NHLRC2: variants seen among roughly 807,000 people sequenced by gnomAD.
NHLRC2 encodes the protein NHL repeat containing 2.
A neutral mutation model predicts 68.1 loss-of-function variants in NHLRC2; 33 were observed. The ratio of observed to expected loss-of-function variants is 0.48; its 90% CI spans 0.37 to 0.65. The LOEUF (loss-of-function observed/expected upper bound fraction) is 0.65, where lower values mean the gene tolerates loss of function less well. NHLRC2 is among the 30% of genes least tolerant of loss of function. The probability of loss-of-function intolerance (pLI) is 0.00; values close to 1 mark genes in which losing one functional copy is unlikely to be tolerated. For synonymous variants in NHLRC2, 311 were observed against 309.6 expected, an observed-to-expected ratio of 1.00 and a Z score of -0.05; for missense variants, 761 against 853.8, an observed-to-expected ratio of 0.89 and a Z score of 1.35.
In NHLRC2 at chr10:113,901,804, G is replaced by A; in HGVS notation, c.1278G>A (p.Leu426=). 1 of 1,614,158 alleles carries A rather than the reference G, an allele frequency of 6.2e-7. No individual in the cohort carries two copies. The highest frequency in any genetic ancestry group is 8.5e-7 in the Non-Finnish European group (1 of 1,179,994). The change falls in exon 7 of 11, where the codon TTG becomes TTA. Residue 426 remains leucine (L), a synonymous_variant. Coordinates refer to ENST00000369301, the MANE Select transcript of NHLRC2 (RefSeq NM_198514.4). ...CCTCTGAAGATCCCTGGAGCTGCTT[G>A]TTTGTAGCAGATAGTGAGAGCAGTA... is the stretch of plus-strand genomic sequence containing the variant. The part of the protein sequence containing the change: ...SLASEDPWSC[L]FVADSESSTV...
At chr10:113,868,034 G>A (rs1845885795) in intron 2 of NHLRC2, among the ~76,000 whole-genome samples, 1 of 152,026 alleles carries the variant, frequency 6.6e-6, no homozygotes, top group African/African-American at 2.4e-5. Context: ...TGTTGCCTGG[G>A]CTGGATTTCA....
In NHLRC2 at chr10:113,876,690, A is replaced by AC; in HGVS notation, c.502dup (p.Leu168ProfsTer19). The stretch of plus-strand genomic sequence containing the variant: ...TTTCCTGCTGGCCAACTCTAGTCAT[A>AC]CTTGGACCTCGTGGAAACATGTTGT... On this transcript the variant is annotated frameshift_variant, in exon 3 of 11. Coordinates refer to ENST00000369301, the MANE Select transcript of NHLRC2 (RefSeq NM_198514.4). LOFTEE classifies it high-confidence loss of function. The AC allele has an allele frequency of 6.2e-7, 1 of 1,614,020 alleles. No individual in the cohort carries two copies. The highest frequency in any genetic ancestry group is 1.1e-5 in the South Asian group (1 of 91,084).
At chr10:113,870,719 A>T (rs969978717) in intron 2 of NHLRC2, among the ~76,000 whole-genome samples, 2 of 152,218 alleles carry the variant, frequency 1.3e-5, no homozygotes, top group African/African-American at 4.8e-5. Flanking sequence ...CTAGTTCTTC[A>T]TCAGGAAAGT....
intron 2 of NHLRC2, among the ~76,000 whole-genome samples, chr10:113,871,912 G>T (rs1372270173): frequency 6.6e-6 from 1 of 152,252 alleles, no homozygotes; most frequent in East Asian, 1.9e-4. Context: ...TCCCATAAAG[G>T]TTCTATTGCT....
chr10:113,872,623 A>C (rs1487528072), intron 2 of NHLRC2, among the ~76,000 whole-genome samples: 2 of 152,096 alleles, frequency 1.3e-5, no homozygotes, highest in Admixed American at 1.3e-4. Flanking sequence ...GTGTTAATTG[A>C]ATCCAGAAAA....
intron 10 of NHLRC2, among the ~76,000 whole-genome samples, chr10:113,905,851 C>T (rs926817486): frequency 1.3e-5 from 2 of 152,130 alleles, no homozygotes; most frequent in African/African-American, 2.4e-5. Flanking sequence ...AAGAGGATAA[C>T]GGTATCTTGG....
intron 2 of NHLRC2, among the ~76,000 whole-genome samples, chr10:113,868,678 G>A (rs1482879820): frequency 6.6e-6 from 1 of 152,052 alleles, no homozygotes; most frequent in Non-Finnish European, 1.5e-5. Flanking sequence ...AACAAAAGAA[G>A]GCATATAATT....
intron 6 of NHLRC2, among the ~76,000 whole-genome samples, chr10:113,899,056 A>T: frequency 6.6e-6 from 1 of 151,814 alleles, no homozygotes. Flanking sequence ...CTTCTCTGTG[A>T]CCTCACTGTA....
chr10:113,893,151 A>G (rs1419860353), intron 5 of NHLRC2, among the ~76,000 whole-genome samples: 1 of 152,162 alleles, frequency 6.6e-6, no homozygotes, highest in Non-Finnish European at 1.5e-5. Context: ...GGTAAACCTC[A>G]CTATGCATCC....
chr10:113,885,704 A>G (rs1846075443), intron 5 of NHLRC2, among the ~76,000 whole-genome samples: 1 of 152,044 alleles, frequency 6.6e-6, no homozygotes, highest in South Asian at 2.1e-4. Context: ...TTTGAGTGAT[A>G]AAAGAAAGTT....
chr10:113,899,529 C>A (rs1846209979), intron 6 of NHLRC2, among the ~76,000 whole-genome samples: 1 of 152,092 alleles, frequency 6.6e-6, no homozygotes, highest in Non-Finnish European at 1.5e-5. Flanking sequence ...GTTAAGGATA[C>A]AATGAAAAGA....
intron 4 of NHLRC2, among the ~76,000 whole-genome samples, chr10:113,883,425 A>G (rs1401206114): frequency 1.3e-5 from 2 of 151,902 alleles, no homozygotes; most frequent in African/African-American, 2.4e-5. Flanking sequence ...TAAGATATCT[A>G]TGAAGTAAGG....
intron 2 of NHLRC2, among the ~76,000 whole-genome samples, chr10:113,869,512 C>G (rs1053462321): frequency 6.6e-6 from 1 of 152,120 alleles, no homozygotes; most frequent in African/African-American, 2.4e-5. Flanking sequence ...CTCCATTGTT[C>G]TCTGTGCCTA....
Position 113,879,683 on chromosome 10 carries a change from C to A in NHLRC2, c.897C>A (p.His299Gln). ...TATATGTGGCAGACACTGAAAACCA[C>A]CTTATAAGAAAGGTAATTTTCATTT... is the stretch of plus-strand genomic sequence containing the variant. ...NIIYVADTEN[H>Q]LIRKIDLEAE... The change falls in exon 4 of 11, where the codon CAC (histidine) becomes CAA (glutamine). Residue 299 changes from histidine to glutamine, a missense_variant. His to Gln is a conservative substitution (Grantham distance 24). Coordinates refer to ENST00000369301, the MANE Select transcript of NHLRC2 (RefSeq NM_198514.4). The A allele has an allele frequency of 6.7e-7, 1 of 1,482,622 alleles. No homozygotes were observed. Among genetic ancestry groups the A allele is most frequent in the Non-Finnish European group, 9.2e-7 (1 of 1,089,660 alleles). The allele number at this position is 1,482,622 out of a possible 1,614,324, so 91.8% of individuals were successfully genotyped here.
chr10:113,899,516 T>C (rs1302546845), intron 6 of NHLRC2, among the ~76,000 whole-genome samples: 1 of 152,230 alleles, frequency 6.6e-6, no homozygotes, highest in Non-Finnish European at 1.5e-5. Context: ...ATATGCTCAC[T>C]ATGTTAAGGA....
rs772633560 is a variant in NHLRC2, at chr10:113,899,679, G to A, written c.1139+1470G>A. Among the ~76,000 whole-genome samples the A allele has an allele frequency of 9.2e-5, 14 of 152,230 alleles. No individual in the cohort carries two copies. In the South Asian group the frequency reaches 1.2e-3, roughly 14 times the overall value. On this transcript the variant is annotated intron_variant, in intron 6 of 10. Coordinates refer to ENST00000369301, the MANE Select transcript of NHLRC2 (RefSeq NM_198514.4). Reference sequence around the variant, plus strand: ...TCACGCCTGTAATCCCAGCACTTTGGGGGGCCGAGGCAGGCAGATCACAAG... The same window carrying A: ...TCACGCCTGTAATCCCAGCACTTTGAGGGGCCGAGGCAGGCAGATCACAAG...
At chr10:113,864,001 A>T (rs953532018) in intron 2 of NHLRC2, among the ~76,000 whole-genome samples, 5 of 152,192 alleles carry the variant, frequency 3.3e-5, no homozygotes, top group Non-Finnish European at 5.9e-5. Context: ...CCATTGATGG[A>T]TCGTGGGTGA....
intron 5 of NHLRC2, among the ~76,000 whole-genome samples, chr10:113,888,950 C>G (rs1003466664): frequency 2.0e-5 from 3 of 151,774 alleles, no homozygotes; most frequent in Non-Finnish European, 4.4e-5. Flanking sequence ...CCTCAGCCTC[C>G]CAAGTAGCTG....
At chr10:113,867,733 C>G in intron 2 of NHLRC2, among the ~76,000 whole-genome samples, 1 of 151,946 alleles carries the variant, frequency 6.6e-6, no homozygotes, top group East Asian at 1.9e-4. Context: ...GTCTCCATTA[C>G]AGGTTTTTGT....
Sources: gnomAD v4.1 joint callset for allele counts (sites outside exome capture counted in the v4.1 genomes callset) on GRCh38, gnomAD v4.1.1 for gene constraint, MANE v1.5 for transcripts, NCBI Gene and HGNC (gene_info 2026-07-23, HGNC 2026-07-21) for gene names.